The following TMEM272 variants were observed in gnomAD, a reference collection of about 807,000 sequenced individuals.
TMEM272 encodes transmembrane protein 272.
Under a neutral mutation model 3.7 loss-of-function variants are expected in TMEM272, and 8 were observed. That is an observed-to-expected ratio of 2.17 (90% CI 1.27 to 3.91). TMEM272 has a LOEUF of 3.91. TMEM272 is among the 30% of genes most tolerant of loss of function. TMEM272 has a pLI of 0.00. For missense variants in TMEM272, 166 were observed against 91.5 expected (o/e 1.81, Z -3.32); for synonymous variants, 63 against 39.8 (o/e 1.58, Z -2.20).
intron 3 of TMEM272, among the ~76,000 whole-genome samples, chr13:51,824,334 G>A (rs1402772269): frequency 6.6e-6 from 1 of 152,208 alleles, no homozygotes; most frequent in Non-Finnish European, 1.5e-5. Flanking sequence ...ACTACCAAAT[G>A]TAGTGATTTT....
the TMEM272 span, among the ~76,000 whole-genome samples, chr13:51,884,456 TATGTGAAATGA>T: frequency 6.6e-6 from 1 of 152,238 alleles, no homozygotes; most frequent in Non-Finnish European, 1.5e-5. Context: ...CATGAACAAA[TATGTGAAATGA>T]ATAGTTGATA....
chr13:51,911,973 C>T, the TMEM272 span, among the ~76,000 whole-genome samples: 1 of 152,104 alleles, frequency 6.6e-6, no homozygotes, highest in Non-Finnish European at 1.5e-5. Flanking sequence ...TCTGCCTGGA[C>T]CACCCTTACT....
chr13:51,929,357 A>G, the TMEM272 span, among the ~76,000 whole-genome samples: 1 of 152,174 alleles, frequency 6.6e-6, no homozygotes, highest in African/African-American at 2.4e-5. Context: ...GGTGTTGCAT[A>G]TATTGTAGCA....
chr13:51,830,498 C>G (rs982708469), intron 2 of TMEM272, among the ~76,000 whole-genome samples: 1 of 152,192 alleles, frequency 6.6e-6, no homozygotes, highest in African/African-American at 2.4e-5. Context: ...GGCACGATTA[C>G]AAGACTTTCC....
rs1295160179 is a variant in TMEM272, at chr13:51,826,655, G to A, written c.59-30C>T. 3 of 702,386 alleles carry A rather than the reference G, an allele frequency of 4.3e-6. 1 individual carries two copies. The highest frequency in any genetic ancestry group is 4.6e-4 in the Middle Eastern group (2 of 4,390). 43.5% of individuals were successfully genotyped at this position (702,386 alleles called of 1,614,324 possible). ...AAGGAGAAGAAGGGGCAGGCACTGG[G>A]TTAGAAACACACAGACCCCTGCATT... is the stretch of plus-strand genomic sequence containing the variant. On this transcript the variant is annotated intron_variant, in intron 2 of 4. Coordinates refer to ENST00000629372, the MANE Select transcript of TMEM272 (RefSeq NM_001351003.2).
the TMEM272 span, chr13:51,910,611 G>C: frequency 1.7e-6 from 1 of 601,638 alleles, no homozygotes; most frequent in Non-Finnish European, 3.2e-6. Context: ...GGTAGCCCTA[G>C]GCTCCTCCAT....
At chr13:51,820,337 A>G (rs1303005340) in intron 4 of TMEM272, among the ~76,000 whole-genome samples, 1 of 152,170 alleles carries the variant, frequency 6.6e-6, no homozygotes, top group African/African-American at 2.4e-5. Context: ...TTGAATACAA[A>G]CCATCATTAT....
At chr13:51,885,177 CA>C in the TMEM272 span, among the ~76,000 whole-genome samples, 6 of 152,142 alleles carry the variant, frequency 3.9e-5, no homozygotes, top group African/African-American at 1.4e-4. Context: ...TGAAAGAGAC[CA>C]ACAGGAAAAG....
the TMEM272 span, among the ~76,000 whole-genome samples, chr13:51,892,403 G>A: frequency 6.6e-6 from 1 of 152,194 alleles, no homozygotes; most frequent in Non-Finnish European, 1.5e-5. Flanking sequence ...CAGAAAAATA[G>A]GGGGCACAGG....
the TMEM272 span, chr13:51,865,214 A>C: frequency 1.8e-6 from 1 of 561,030 alleles, no homozygotes; most frequent in Non-Finnish European, 3.0e-6. Flanking sequence ...TCCCTCACAA[A>C]CACCACCATG....
intron 2 of TMEM272, among the ~76,000 whole-genome samples, chr13:51,833,475 C>T (rs917229281): frequency 6.6e-6 from 1 of 152,112 alleles, no homozygotes; most frequent in Non-Finnish European, 1.5e-5. Context: ...TGTTTCATAA[C>T]TCAGCCTGGA....
intron 2 of TMEM272, among the ~76,000 whole-genome samples, chr13:51,827,195 G>C (rs955767534): frequency 6.6e-6 from 1 of 152,170 alleles, no homozygotes; most frequent in Admixed American, 6.5e-5. Context: ...CTTTGAACTG[G>C]CTTGGGGTTT....
At chr13:51,909,410 G>A in the TMEM272 span, 3 of 871,248 alleles carry the variant, frequency 3.4e-6, no homozygotes, top group Non-Finnish European at 5.8e-6. Flanking sequence ...TCTCTAACCG[G>A]TTATTTTCCT....
At chr13:51,914,584 G>A in the TMEM272 span, among the ~76,000 whole-genome samples, 1 of 152,250 alleles carries the variant, frequency 6.6e-6, no homozygotes, top group Admixed American at 6.5e-5. Flanking sequence ...GGGCGATGGA[G>A]CTGTGAGTTC....
At chr13:51,883,530 G>T in the TMEM272 span, among the ~76,000 whole-genome samples, 1 of 152,190 alleles carries the variant, frequency 6.6e-6, no homozygotes, top group Non-Finnish European at 1.5e-5. Context: ...TATGGGCTTA[G>T]AAGGGGGAGT....
At chr13:51,917,404 C>T in the TMEM272 span, among the ~76,000 whole-genome samples, 1 of 152,054 alleles carries the variant, frequency 6.6e-6, no homozygotes, top group Non-Finnish European at 1.5e-5. Context: ...AGCAGGAATT[C>T]CAGAGGAAAT....
the TMEM272 span, among the ~76,000 whole-genome samples, chr13:51,912,530 T>C: frequency 1.6e-3 from 251 of 152,294 alleles, 1 homozygote; most frequent in Non-Finnish European, 1.8e-3. Context: ...CTTTCCAAAT[T>C]TCCCTCTAAA....
the TMEM272 span, among the ~76,000 whole-genome samples, chr13:51,879,160 G>A: frequency 6.6e-6 from 1 of 152,132 alleles, no homozygotes; most frequent in Admixed American, 6.5e-5. Flanking sequence ...CTGAGAAACA[G>A]AGAAAGCCAG....
chr13:51,909,187 C>T, the TMEM272 span: 1,150 of 1,345,208 alleles, frequency 8.5e-4, 14 homozygotes, highest in African/African-American at 0.014. Context: ...CTTTTGTGAG[C>T]ATTTTCTTTC....
Sources: allele counts gnomAD v4.1 joint callset (sites outside exome capture counted in the v4.1 genomes callset), GRCh38; gene constraint gnomAD v4.1.1; transcripts MANE v1.5; gene names NCBI Gene and HGNC (gene_info 2026-07-23, HGNC 2026-07-21).